The following PKHD1L1 variants were observed in gnomAD, a reference collection of about 807,000 sequenced individuals.
The protein encoded by PKHD1L1 is PKHD1 like 1, also known as fibrocystin-L.
In PKHD1L1, 434 loss-of-function variants were observed where a neutral mutation model predicts 462.9. The ratio of observed to expected loss-of-function variants is 0.94; its 90% CI spans 0.87 to 1.02. The LOEUF (loss-of-function observed/expected upper bound fraction) is 1.02, where lower values mean the gene tolerates loss of function less well. PKHD1L1 is among the 50% of genes least tolerant of loss of function. The pLI is 0.00. For missense variants in PKHD1L1, 5,202 were observed against 5,096.1 expected (o/e 1.02, Z -0.63); for synonymous variants, 1,781 against 1,750.0 (o/e 1.02, Z -0.44).
At position 109,452,737 on chromosome 8, in the gene PKHD1L1, A is replaced by T. The variant is rs774156356; in HGVS notation, c.6527A>T (p.Tyr2176Phe). 5.9e-6 allele frequency: 9 copies of T among 1,535,626 alleles called. No individual in the cohort carries two copies. Among genetic ancestry groups the T allele is most frequent in the Non-Finnish European group, 7.9e-6 (9 of 1,143,766 alleles). The change falls in exon 43 of 78, where the codon TAT becomes TTT. Residue 2176 changes from tyrosine to phenylalanine, a missense_variant. By Grantham distance (22) the Tyr-to-Phe change is conservative. Transcript: ENST00000378402. ...TTACAGGATAATGCTGACTTTCTTT[A>T]TGTTGATGCCTGGTCCTCCAATTTC... is the stretch of plus-strand genomic sequence containing the variant. ...MAKLDNADFLYVDAWSSNFSW... is the reference protein window; with the variant it reads ...MAKLDNADFLFVDAWSSNFSW...
At chr8:109,521,556 A>T (rs987257868) in intron 73 of PKHD1L1, among the ~76,000 whole-genome samples, 1 of 152,152 alleles carries the variant, frequency 6.6e-6, no homozygotes, top group African/African-American at 2.4e-5. Context: ...GGCTTCTGAA[A>T]AAAGGAATAT....
chr8:109,392,529 C>A (rs1324771198), intron 9 of PKHD1L1, among the ~76,000 whole-genome samples: 1 of 151,850 alleles, frequency 6.6e-6, no homozygotes, highest in East Asian at 1.9e-4. Context: ...ACAGCTATCC[C>A]TTTGTACAAA....
chr8:109,458,990 G>A (rs73704013), intron 46 of PKHD1L1, among the ~76,000 whole-genome samples: 2,252 of 152,134 alleles, frequency 0.015, 28 homozygotes, highest in Middle Eastern at 0.054. Context: ...GGAATTTGGG[G>A]TATATTTGGA....
intron 67 of PKHD1L1, among the ~76,000 whole-genome samples, chr8:109,499,521 G>A (rs971629613): frequency 3.2e-4 from 49 of 152,240 alleles, no homozygotes; most frequent in African/African-American, 1.1e-3. Context: ...TGCTACATAG[G>A]TTGTAATTGA....
rs1194339649 is a variant in PKHD1L1, at chr8:109,445,594, A to C, written c.5725A>C (p.Thr1909Pro). ...NTIAYPPLLF[T>P]YALEDTPFLR... is the part of the protein sequence containing the mutation. The stretch of plus-strand genomic sequence containing the variant: ...AATTGCTTATCCACCTTTGCTTTTT[A>C]CATATGCCCTGGAGGATACTCCATT... Residue 1909 changes from threonine to proline, a missense_variant, in exon 38 of 78, where the codon ACA becomes CCA. Thr to Pro is a conservative substitution (Grantham distance 38, BLOSUM62 -1). Transcript: ENST00000378402. 4 of 1,610,532 alleles carry C rather than the reference A, an allele frequency of 2.5e-6. No homozygotes were observed. In the South Asian group the frequency reaches 3.3e-5, roughly 13 times the overall value.
chr8:109,501,970 C>G (rs1440385726), intron 67 of PKHD1L1, among the ~76,000 whole-genome samples: 1 of 152,056 alleles, frequency 6.6e-6, no homozygotes, highest in African/African-American at 2.4e-5. Flanking sequence ...TTTATCCTTA[C>G]CTTAGATCAG....
rs1364197337 is a variant in PKHD1L1 at position 109,440,848 on chromosome 8, G to C, written c.4095G>C (p.Leu1365=). 2 of 1,611,890 alleles carry C rather than the reference G, an allele frequency of 1.2e-6. No individual in the cohort carries two copies. Among genetic ancestry groups the C allele is most frequent in the African/African-American group, 2.7e-5 (2 of 74,830 alleles). Residue 1365 remains leucine (L), a synonymous_variant, in exon 33 of 78, where the codon CTG becomes CTC. Transcript: ENST00000378402. ...FSTIPAENTV[L]LGSIPCNVTS... Reference sequence around the variant, plus strand: ...CAATACCAGCTGAGAATACCGTGCTGTTAGGTAAGAGCTTCATTCATAGGA... The same window carrying C: ...CAATACCAGCTGAGAATACCGTGCTCTTAGGTAAGAGCTTCATTCATAGGA...
At chr8:109,381,277 T>A in intron 2 of PKHD1L1, 93 bp from the exon 3 acceptor site, 1 of 1,054,072 alleles carries the variant, frequency 9.5e-7, no homozygotes, top group Non-Finnish European at 1.4e-6. Flanking sequence ...GTTTATGAAA[T>A]CATTTACTGC....
At chr8:109,527,247 AT>A (rs1820864313) in intron 77 of PKHD1L1, among the ~76,000 whole-genome samples, 2 of 152,190 alleles carry the variant, frequency 1.3e-5, no homozygotes, top group South Asian at 4.1e-4. Context: ...CATACTTGTA[AT>A]CCCAGCATTT....
chr8:109,389,395 C>T (rs1812600191), intron 8 of PKHD1L1, among the ~76,000 whole-genome samples: 1 of 151,796 alleles, frequency 6.6e-6, no homozygotes, highest in South Asian at 2.1e-4. Flanking sequence ...CTTCTTTCTC[C>T]CTACAGCATT....
chr8:109,460,651 G>T (rs1001661319), intron 47 of PKHD1L1, among the ~76,000 whole-genome samples: 3 of 152,162 alleles, frequency 2.0e-5, no homozygotes, highest in African/African-American at 7.2e-5. Context: ...AGACTTTGCA[G>T]AAATGTTCCC....
At chr8:109,385,040 T>C (rs1812364311) in intron 5 of PKHD1L1, among the ~76,000 whole-genome samples, 1 of 151,930 alleles carries the variant, frequency 6.6e-6, no homozygotes, top group African/African-American at 2.4e-5. Flanking sequence ...GACAACCTTT[T>C]ATTTTTATTA....
At chr8:109,435,426 C>G (rs1024691328) in intron 29 of PKHD1L1, 72 bp downstream of exon 29, 1 of 1,499,840 alleles carries the variant, frequency 6.7e-7, no homozygotes, top group African/African-American at 1.4e-5. Context: ...GTTTCTAGTA[C>G]AGGGTGAAGG....
chr8:109,370,762 G>A (rs1343250433), intron 2 of PKHD1L1, among the ~76,000 whole-genome samples: 1 of 152,042 alleles, frequency 6.6e-6, no homozygotes. Flanking sequence ...TGTGGTGTTT[G>A]GTTTTTTGTC....
At chr8:109,382,201 A>G (rs1207652264) in intron 3 of PKHD1L1, among the ~76,000 whole-genome samples, 1 of 135,354 alleles carries the variant, frequency 7.4e-6, no homozygotes, top group African/African-American at 2.5e-5. Flanking sequence ...TTGTTATTAT[A>G]CTTGTTGTCC....
At chr8:109,422,305 T>A (rs2130652279) in intron 23 of PKHD1L1, among the ~76,000 whole-genome samples, 1 of 152,038 alleles carries the variant, frequency 6.6e-6, no homozygotes, top group East Asian at 1.9e-4. Flanking sequence ...AGAACAGTTC[T>A]ATTACGAGCG....
intron 71 of PKHD1L1, among the ~76,000 whole-genome samples, chr8:109,513,958 T>A (rs1820134520): frequency 1.3e-5 from 2 of 152,104 alleles, no homozygotes; most frequent in Non-Finnish European, 2.9e-5. Flanking sequence ...TGAAAATATG[T>A]CAGATCACGT....
chr8:109,393,000 C>T (rs923247805), intron 9 of PKHD1L1, among the ~76,000 whole-genome samples: 2 of 152,126 alleles, frequency 1.3e-5, no homozygotes, highest in African/African-American at 2.4e-5. Flanking sequence ...AAATAAATTA[C>T]ATTCAAATTT....
intron 63 of PKHD1L1, among the ~76,000 whole-genome samples, chr8:109,495,721 C>T (rs1224210100): frequency 6.6e-6 from 1 of 151,696 alleles, no homozygotes; most frequent in African/African-American, 2.4e-5. Flanking sequence ...AATGTAAAAC[C>T]CAATGGACTA....
Sources: gnomAD v4.1 joint callset for allele counts (sites outside exome capture counted in the v4.1 genomes callset) on GRCh38, gnomAD v4.1.1 for gene constraint, MANE v1.5 for transcripts, NCBI Gene and HGNC (gene_info 2026-07-23, HGNC 2026-07-21) for gene names.